Variants in TUSC3 observed in about 807,000 individuals in gnomAD.
TUSC3 encodes tumor suppressor candidate 3, also known as dolichyl-diphosphooligosaccharide--protein glycosyltransferase subunit TUSC3.
In TUSC3, 45 loss-of-function variants were observed where a neutral mutation model predicts 44.8. The ratio of observed to expected loss-of-function variants is 1.00; its 90% confidence interval spans 0.79 to 1.29. TUSC3 has a LOEUF of 1.29. Among genes scored for constraint, TUSC3 ranks in the 50% most tolerant of loss-of-function variants. The probability of loss-of-function intolerance (pLI) is 0.00; values close to 1 mark genes in which losing one functional copy is unlikely to be tolerated. For missense variants in TUSC3, 519 were observed against 437.9 expected, an observed-to-expected ratio of 1.19 and a Z score of -1.65; for synonymous variants, 212 against 152.9, an observed-to-expected ratio of 1.39 and a Z score of -2.85.
chr8:15,652,920 A>G (rs1302498424), intron 3 of TUSC3, among the ~76,000 whole-genome samples: 2 of 152,150 alleles, frequency 1.3e-5, no homozygotes, highest in Non-Finnish European at 2.9e-5. Context: ...GTTTTTGTTG[A>G]TAATACATTA....
intron 1 of TUSC3, among the ~76,000 whole-genome samples, chr8:15,442,918 CTTA>C (rs1321947651): frequency 6.6e-6 from 1 of 152,120 alleles, no homozygotes; most frequent in African/African-American, 2.4e-5. Context: ...TCCCCCGACT[CTTA>C]TTATCTAACT....
chr8:15,431,798 G>C (rs1799876580), intron 1 of TUSC3, among the ~76,000 whole-genome samples: 2 of 99,274 alleles, frequency 2.0e-5, no homozygotes, highest in African/African-American at 5.8e-5. Context: ...TTAGCTGTGG[G>C]CTTGTCATAT....
chr8:15,591,401 A>G (rs1378528945), intron 1 of TUSC3, among the ~76,000 whole-genome samples: 2 of 152,180 alleles, frequency 1.3e-5, no homozygotes, highest in African/African-American at 2.4e-5. Flanking sequence ...AGTTTAATCT[A>G]TTCATTTATT....
Position 15,758,007 on chromosome 8 carries a change from A to G in TUSC3, c.*46+152A>G, listed in dbSNP as rs1436514459. 6.3e-6 allele frequency: 9 copies of G among 1,439,278 alleles called. No homozygotes were observed. The East Asian group carries it at 2.0e-4, about 32-fold the overall frequency. 89.2% of individuals were successfully genotyped at this position (1,439,278 alleles called of 1,614,324 possible). ...GTGAGATTCCATATTCCAGTCTTACATTATTATGTTTATCTGCCACAGGGA... is the reference window on the plus strand; with the variant it reads ...GTGAGATTCCATATTCCAGTCTTACGTTATTATGTTTATCTGCCACAGGGA... On this transcript the variant is annotated intron_variant, in intron 10 of 10. Transcript: ENST00000503731.
At chr8:15,617,609 G>T (rs1302087790) in intron 1 of TUSC3, among the ~76,000 whole-genome samples, 1 of 152,134 alleles carries the variant, frequency 6.6e-6, no homozygotes, top group Non-Finnish European at 1.5e-5. Context: ...TACTCATTAA[G>T]TACAGAAGTG....
At chr8:15,675,089 T>G (rs1808124891) in intron 6 of TUSC3, among the ~76,000 whole-genome samples, 1 of 152,066 alleles carries the variant, frequency 6.6e-6, no homozygotes, top group African/African-American at 2.4e-5. Flanking sequence ...AATGTGTTAT[T>G]TTGTCCGTTT....
rs145433253 is a variant in TUSC3 at position 15,486,243 on chromosome 8, C to G, written n.189+2760C>G. Among the ~76,000 whole-genome samples the G allele has an allele frequency of 1.4e-4, 22 of 152,266 alleles. No individual in the cohort carries two copies. The East Asian group carries it at 4.1e-3, about 28-fold the overall frequency. On this transcript the variant is annotated intron_variant and non_coding_transcript_variant, in intron 2 of 5. Transcript: ENST00000503191. ...AACTGTAAAGCCGGCTATAATAAGT[C>G]TGTACTTTAGGCAGTTATTCACAGT...
chr8:15,759,705 C>T (rs1277273407), intron 10 of TUSC3, among the ~76,000 whole-genome samples: 8 of 152,022 alleles, frequency 5.3e-5, no homozygotes, highest in Admixed American at 2.0e-4. Context: ...CATTCTTACA[C>T]CTTCCTTTTT....
intron 1 of TUSC3, among the ~76,000 whole-genome samples, chr8:15,463,034 C>T (rs1585054449): frequency 6.6e-6 from 1 of 152,136 alleles, no homozygotes; most frequent in Non-Finnish European, 1.5e-5. Context: ...TCCTCCTCCT[C>T]ATCTTCCTCC....
the TUSC3 span, among the ~76,000 whole-genome samples, chr8:15,781,474 G>C: frequency 1.3e-5 from 2 of 152,198 alleles, no homozygotes; most frequent in South Asian, 4.1e-4. Context: ...AACTTTGAAG[G>C]CAGCAAGGGA....
intron 5 of TUSC3, among the ~76,000 whole-genome samples, chr8:15,670,143 A>G (rs1807878812): frequency 6.6e-6 from 1 of 151,872 alleles, no homozygotes; most frequent in Non-Finnish European, 1.5e-5. Context: ...CTGATAATGG[A>G]TTGGTAGACT....
chr8:15,459,198 T>C (rs1369409539), intron 1 of TUSC3, among the ~76,000 whole-genome samples: 1 of 152,174 alleles, frequency 6.6e-6, no homozygotes, highest in African/African-American at 2.4e-5. Context: ...GGACTTAGCA[T>C]TAAACTATCA....
chr8:15,803,235 T>A, the TUSC3 span, among the ~76,000 whole-genome samples: 1 of 152,178 alleles, frequency 6.6e-6, no homozygotes, highest in Non-Finnish European at 1.5e-5. Flanking sequence ...CAATGCAATT[T>A]TGTGGCAATT....
At chr8:15,778,201 T>C in the TUSC3 span, among the ~76,000 whole-genome samples, 1 of 152,102 alleles carries the variant, frequency 6.6e-6, no homozygotes, top group Non-Finnish European at 1.5e-5. Flanking sequence ...AAGTTGCCTC[T>C]CCCACCTGAT....
chr8:15,489,360 T>A (rs1258001568), intron 2 of TUSC3, among the ~76,000 whole-genome samples: 4 of 152,124 alleles, frequency 2.6e-5, no homozygotes, highest in Non-Finnish European at 5.9e-5. Context: ...AAACCAAGGT[T>A]CTTATTATGC....
At chr8:15,740,054 G>A (rs962211728) in intron 7 of TUSC3, among the ~76,000 whole-genome samples, 10 of 152,006 alleles carry the variant, frequency 6.6e-5, no homozygotes, top group African/African-American at 1.2e-4. Context: ...ATTGTAAAAC[G>A]TATACAATCT....
At chr8:15,486,465 C>T (rs962802610) in intron 2 of TUSC3, among the ~76,000 whole-genome samples, 3 of 151,970 alleles carry the variant, frequency 2.0e-5, no homozygotes, top group African/African-American at 7.2e-5. Context: ...CTTCTTTTTC[C>T]ATGGAGTCTT....
chr8:15,562,721 A>G (rs540732089), intron 1 of TUSC3, among the ~76,000 whole-genome samples: 2 of 152,182 alleles, frequency 1.3e-5, no homozygotes, highest in South Asian at 4.2e-4. Flanking sequence ...TGTTGCTCTC[A>G]GTTCTTTGCT....
At chr8:15,421,302 T>C (rs1178004039) in intron 1 of TUSC3, among the ~76,000 whole-genome samples, 2 of 152,100 alleles carry the variant, frequency 1.3e-5, no homozygotes, top group Non-Finnish European at 2.9e-5. Flanking sequence ...TCCGACTCTA[T>C]TACCTTTCTA....
Sources: gnomAD v4.1 joint callset for allele counts (sites outside exome capture counted in the v4.1 genomes callset) on GRCh38, gnomAD v4.1.1 for gene constraint, MANE v1.5 for transcripts, NCBI Gene and HGNC (gene_info 2026-07-23, HGNC 2026-07-21) for gene names.